The following OPCML variants were observed in gnomAD, a reference collection of about 807,000 sequenced individuals.
The protein encoded by OPCML is opioid-binding protein/cell adhesion molecule.
OPCML carries 13 observed loss-of-function variants against 37.8 expected under a neutral mutation model. The ratio of observed to expected loss-of-function variants is 0.34; its 90% confidence interval spans 0.22 to 0.55. The LOEUF (loss-of-function observed/expected upper bound fraction) is 0.55. OPCML is among the 20% of genes least tolerant of loss of function. OPCML has a pLI of 0.91. For missense variants in OPCML, 341 were observed against 435.6 expected, an observed-to-expected ratio of 0.78 and a Z score of 1.93; for synonymous variants, 176 against 168.8, an observed-to-expected ratio of 1.04 and a Z score of -0.33.
chr11:132,539,294 C>A (rs1305012250), intron 3 of OPCML, among the ~76,000 whole-genome samples: 2 of 152,080 alleles, frequency 1.3e-5, no homozygotes, highest in African/African-American at 2.4e-5. Context: ...TTGTTGTGGG[C>A]AGAGCTGGGC....
At chr11:132,635,070 A>G (rs1025639964) in intron 3 of OPCML, among the ~76,000 whole-genome samples, 2 of 152,144 alleles carry the variant, frequency 1.3e-5, no homozygotes, top group African/African-American at 4.8e-5. Context: ...TTTAACTGTG[A>G]GACGGTAACA....
chr11:133,252,392 C>A (rs1240002150), intron 1 of OPCML, among the ~76,000 whole-genome samples: 1 of 152,104 alleles, frequency 6.6e-6, no homozygotes, highest in East Asian at 1.9e-4. Context: ...ACATTTTCCT[C>A]CCCTTATAAA....
chr11:133,373,424 A>AATATATATATATATATATATATATATAT (rs57417327), intron 1 of OPCML, among the ~76,000 whole-genome samples: 32 of 117,688 alleles, frequency 2.7e-4, no homozygotes, highest in Admixed American at 1.4e-3. Context: ...ACTTAATTAA[A>AATATATATATATATATATATATATATAT]ATATATATAT....
intron 1 of OPCML, among the ~76,000 whole-genome samples, chr11:133,483,311 C>CAGATAGATAGATAGACAGAT (rs1555165541): frequency 1.5e-3 from 229 of 148,524 alleles, no homozygotes; most frequent in African/African-American, 5.2e-3. Context: ...GATAGATAGG[C>CAGATAGATAGATAGACAGAT]AGATAGATAG....
chr11:132,668,531 A>G (rs1292433245), intron 2 of OPCML, among the ~76,000 whole-genome samples: 2 of 152,166 alleles, frequency 1.3e-5, no homozygotes, highest in Admixed American at 1.3e-4. Context: ...CGTGTTGAGA[A>G]TAGGAATTAT....
At chr11:133,141,267 A>C (rs1235966402) in intron 1 of OPCML, among the ~76,000 whole-genome samples, 1 of 151,798 alleles carries the variant, frequency 6.6e-6, no homozygotes, top group African/African-American at 2.4e-5. Context: ...CTCCACTGAC[A>C]TCCTTACTCT....
chr11:132,673,612 G>A (rs542290624), intron 2 of OPCML, among the ~76,000 whole-genome samples: 2 of 152,184 alleles, frequency 1.3e-5, no homozygotes, highest in Non-Finnish European at 2.9e-5. Context: ...TATTTTGAAA[G>A]GGGTCATTGG....
chr11:133,511,019 C>T (rs780345974), intron 1 of OPCML, among the ~76,000 whole-genome samples: 1 of 152,174 alleles, frequency 6.6e-6, no homozygotes, highest in East Asian at 1.9e-4. Context: ...CTCCCTAAAG[C>T]CCTGTTCCAC....
chr11:133,294,789 T>TTTTTTTTTTC (rs1942580229), intron 1 of OPCML, among the ~76,000 whole-genome samples: 1 of 146,156 alleles, frequency 6.8e-6, no homozygotes, highest in Non-Finnish European at 1.5e-5. Flanking sequence ...GAAACTTTCT[T>TTTTTTTTTTC]TTTTTTTTTC....
At chr11:132,656,551 G>C (rs745600277) in intron 3 of OPCML, among the ~76,000 whole-genome samples, 3 of 151,940 alleles carry the variant, frequency 2.0e-5, no homozygotes, top group African/African-American at 7.3e-5. Flanking sequence ...ATCCCTCTTG[G>C]ATCTGGACTT....
At chr11:132,600,839 C>CTTTTTTTTTTTTTTTTTTTTTT (rs145586468) in intron 3 of OPCML, among the ~76,000 whole-genome samples, 1 of 94,534 alleles carries the variant, frequency 1.1e-5, no homozygotes, top group Non-Finnish European at 1.9e-5. Context: ...AAATAGTTAA[C>CTTTTTTTTTTTTTTTTTTTTTT]TTTTTTTTTT....
chr11:133,331,570 T>G (rs1943620244), intron 1 of OPCML, among the ~76,000 whole-genome samples: 1 of 152,228 alleles, frequency 6.6e-6, no homozygotes, highest in Admixed American at 6.5e-5. Context: ...AAATGTTTAG[T>G]TTATGCTGTG....
At chr11:132,619,106 C>G (rs569607158) in intron 3 of OPCML, among the ~76,000 whole-genome samples, 1 of 152,142 alleles carries the variant, frequency 6.6e-6, no homozygotes, top group South Asian at 2.1e-4. Flanking sequence ...TCTCTTTAAC[C>G]TGATCTAAAA....
At chr11:132,973,651 T>C (rs1023125544) in intron 1 of OPCML, among the ~76,000 whole-genome samples, 18 of 152,174 alleles carry the variant, frequency 1.2e-4, no homozygotes, top group African/African-American at 4.3e-4. Flanking sequence ...GTTGACTGAT[T>C]ACTTAATAAA....
chr11:133,204,670 G>A (rs1017474778), intron 1 of OPCML, among the ~76,000 whole-genome samples: 12 of 151,866 alleles, frequency 7.9e-5, no homozygotes, highest in African/African-American at 2.7e-4. Flanking sequence ...ACCCCCTAAA[G>A]AGCAAAAGCA....
chr11:132,531,970 C>T (rs1189004167), intron 3 of OPCML, among the ~76,000 whole-genome samples: 1 of 152,076 alleles, frequency 6.6e-6, no homozygotes, highest in African/African-American at 2.4e-5. Context: ...GTAAGTTACA[C>T]ACAGCTGGGG....
At chr11:133,045,424 C>T (rs1477383856) in intron 1 of OPCML, among the ~76,000 whole-genome samples, 1 of 152,148 alleles carries the variant, frequency 6.6e-6, no homozygotes, top group Non-Finnish European at 1.5e-5. Context: ...AGATGATTTC[C>T]TCTCATTCCT....
At chr11:132,928,121 ATTACT>A (rs1392304405) in intron 2 of OPCML, among the ~76,000 whole-genome samples, 1 of 152,040 alleles carries the variant, frequency 6.6e-6, no homozygotes, top group Non-Finnish European at 1.5e-5. Context: ...TAAGTCAGTG[ATTACT>A]TTATCAGTGA....
At chr11:133,236,042 A>T (rs1940500743) in intron 1 of OPCML, among the ~76,000 whole-genome samples, 1 of 152,348 alleles carries the variant, frequency 6.6e-6, no homozygotes, top group African/African-American at 2.4e-5. Flanking sequence ...CATCCCTGTG[A>T]TAACGTTTAA....
Sources: allele counts gnomAD v4.1 joint callset (sites outside exome capture counted in the v4.1 genomes callset), GRCh38; gene constraint gnomAD v4.1.1; transcripts MANE v1.5; gene names NCBI Gene and HGNC (gene_info 2026-07-23, HGNC 2026-07-21).